AVEN: variants seen among roughly 807,000 people sequenced by gnomAD.
The protein encoded by AVEN is cell death regulator Aven.
Under a neutral mutation model 38.1 loss-of-function variants are expected in AVEN, and 41 were observed. The observed-to-expected ratio is 1.08, with a 90% CI of 0.84 to 1.40. AVEN has a LOEUF of 1.40. AVEN is among the 40% of genes most tolerant of loss of function. The pLI, the probability that AVEN is intolerant of heterozygous loss-of-function variation, is 0.00. For missense variants in AVEN, 605 were observed against 438.8 expected (o/e 1.38, Z -3.38); for synonymous variants, 206 against 171.8 (o/e 1.20, Z -1.56).
At chr15:34,008,251 T>C (rs1897451476) in intron 1 of AVEN, among the ~76,000 whole-genome samples, 1 of 151,662 alleles carries the variant, frequency 6.6e-6, no homozygotes, top group Admixed American at 6.6e-5. Context: ...CAAGACCCTA[T>C]CTCCACGAAA....
intron 11 of AVEN, chr15:33,860,770 C>CAATAGGTTTTACTATTACTTAGG: frequency 1.1e-6 from 1 of 872,748 alleles, no homozygotes; most frequent in African/African-American, 1.7e-5. Context: ...TAAGCAAGAA[C>CAATAGGTTTTACTATTACTTAGG]GCAGTTTGTT....
At chr15:34,072,381 G>T (rs1177264233) in intron 1 of AVEN, among the ~76,000 whole-genome samples, 1 of 151,986 alleles carries the variant, frequency 6.6e-6, no homozygotes, top group East Asian at 1.9e-4. Flanking sequence ...GGGAGGCCGA[G>T]GTGGGCAGAT....
intron 2 of AVEN, among the ~76,000 whole-genome samples, chr15:33,993,842 T>A (rs897664536): frequency 2.9e-3 from 1 of 344 alleles, no homozygotes; most frequent in Non-Finnish European, 7.0e-3. Flanking sequence ...AAAATAGGGT[T>A]TTTTTTTCCT....
chr15:34,058,050 A>G (rs1445108391), intron 5 of AVEN, among the ~76,000 whole-genome samples: 1 of 152,142 alleles, frequency 6.6e-6, no homozygotes, highest in Non-Finnish European at 1.5e-5. Flanking sequence ...AGCAGGAATC[A>G]ATGTTGCTGT....
intron 2 of AVEN, among the ~76,000 whole-genome samples, chr15:33,880,200 G>C (rs763134032): frequency 1.3e-5 from 2 of 152,068 alleles, no homozygotes; most frequent in Non-Finnish European, 2.9e-5. Flanking sequence ...TACCCAAAAA[G>C]ACCTGAAAAG....
chr15:33,876,021 T>A, intron 2 of AVEN, 26 bp from the exon 3 acceptor site: 1 of 1,575,878 alleles, frequency 6.3e-7, no homozygotes, highest in Non-Finnish European at 8.7e-7. Flanking sequence ...AAAAAAAAAT[T>A]TATGCAAAAG....
chr15:33,990,606 A>C (rs2140566757), intron 2 of AVEN: 1 of 152,388 alleles, frequency 6.6e-6, no homozygotes, highest in South Asian at 2.1e-4. Flanking sequence ...ACAGTCCTTC[A>C]TGTGAACTTG....
chr15:34,028,650 T>A (rs1301650670), intron 1 of AVEN, among the ~76,000 whole-genome samples: 1 of 152,112 alleles, frequency 6.6e-6, no homozygotes, highest in Non-Finnish European at 1.5e-5. Context: ...ATATAGTAAA[T>A]ATATTGTGTT....
chr15:33,960,408 G>C (rs1895116086), intron 2 of AVEN, among the ~76,000 whole-genome samples: 1 of 149,532 alleles, frequency 6.7e-6, no homozygotes. Flanking sequence ...ATGAGGAAGA[G>C]AGTCTGTGTC....
At chr15:33,942,495 G>C (rs1202009985) in intron 2 of AVEN, among the ~76,000 whole-genome samples, 1 of 151,668 alleles carries the variant, frequency 6.6e-6, no homozygotes, top group East Asian at 1.9e-4. Context: ...CTGTTGCCCA[G>C]GCTGGAGTGC....
chr15:33,950,091 A>G (rs2140447851), intron 2 of AVEN, among the ~76,000 whole-genome samples: 1 of 152,348 alleles, frequency 6.6e-6, no homozygotes, highest in African/African-American at 2.4e-5. Flanking sequence ...AGGACATTAT[A>G]ATAAGTGAAA....
At chr15:33,861,246 T>C (rs1275930023), downstream of AVEN, 1 of 1,158,622 alleles carries the variant, frequency 8.6e-7, no homozygotes. Flanking sequence ...GGTCATATAG[T>C]TCAGTCTCTG....
At chr15:33,964,433 A>G (rs1196612984) in intron 2 of AVEN, among the ~76,000 whole-genome samples, 1 of 152,222 alleles carries the variant, frequency 6.6e-6, no homozygotes, top group African/African-American at 2.4e-5. Context: ...AAGTTTAAAA[A>G]TGAAAGATTC....
At chr15:33,993,849 T>C (rs200333561) in intron 2 of AVEN, among the ~76,000 whole-genome samples, 1 of 147,858 alleles carries the variant, frequency 6.8e-6, no homozygotes, top group African/African-American at 2.5e-5. Flanking sequence ...GGTTTTTTTT[T>C]CCTGTGTTTG....
chr15:33,988,329 T>C (rs2140557641), intron 2 of AVEN, among the ~76,000 whole-genome samples: 1 of 152,358 alleles, frequency 6.6e-6, no homozygotes, highest in Non-Finnish European at 1.5e-5. Flanking sequence ...AAGCCAGGCA[T>C]ACTTAAGTTT....
chr15:34,020,161 A>T (rs888277087), intron 1 of AVEN, among the ~76,000 whole-genome samples: 5 of 152,028 alleles, frequency 3.3e-5, no homozygotes, highest in Non-Finnish European at 7.4e-5. Flanking sequence ...AATACAAAAA[A>T]TTAGCCAGGC....
chr15:33,992,842 A>G (rs998910922), intron 2 of AVEN, among the ~76,000 whole-genome samples: 1 of 152,250 alleles, frequency 6.6e-6, no homozygotes, highest in Admixed American at 6.5e-5. Context: ...CAATGTCATT[A>G]CAATTAAAAT....
the AVEN span, chr15:33,853,535 C>T: frequency 2.5e-6 from 4 of 1,611,352 alleles, no homozygotes; most frequent in Admixed American, 1.7e-5. Flanking sequence ...CTGAGCTCAC[C>T]CTGTCATCCT....
At chr15:33,907,046 C>G (rs977632457) in intron 2 of AVEN, among the ~76,000 whole-genome samples, 1 of 152,088 alleles carries the variant, frequency 6.6e-6, no homozygotes, top group African/African-American at 2.4e-5. Context: ...TTCTACCTGA[C>G]GGCCCACAGC....
Sources: allele counts gnomAD v4.1 joint callset (sites outside exome capture counted in the v4.1 genomes callset), GRCh38; gene constraint gnomAD v4.1.1; transcripts MANE v1.5; gene names NCBI Gene and HGNC (gene_info 2026-07-23, HGNC 2026-07-21).